PRDM15: variants seen among roughly 807,000 people sequenced by gnomAD.
The protein encoded by PRDM15 is PR/SET domain 15.
In PRDM15, 64 loss-of-function variants were observed where a neutral mutation model predicts 128.6. The observed-to-expected ratio is 0.50, with a 90% CI of 0.41 to 0.61. The LOEUF is 0.61. PRDM15 is among the 20% of genes least tolerant of loss of function. PRDM15 has a pLI of 0.00. For missense variants in PRDM15, 1,242 were observed against 1,569.1 expected (o/e 0.79, Z 3.52); for synonymous variants, 615 against 621.8 (o/e 0.99, Z 0.16).
At position 41,859,949 on chromosome 21, in the gene PRDM15, CT is replaced by C. The variant is rs1172851963; in HGVS notation, c.38-265del. 6.6e-6 allele frequency among the ~76,000 whole-genome samples: 1 copy of C among 152,130 alleles called. No individual in the cohort carries two copies. The highest frequency in any genetic ancestry group is 1.5e-5 in the Non-Finnish European group (1 of 68,012). ...GGAAAGCTCTAGCTCCGCCGCACGC[CT>C]CAAATCAAGCACGGTCACCTCCATG... is the stretch of plus-strand genomic sequence containing the variant. On this transcript the variant is annotated intron_variant, in intron 2 of 23. Coordinates refer to ENST00000398548, the MANE Select transcript of PRDM15 (RefSeq NM_001040424.3). The surrounding 1 kb of genome is among the most constrained non-coding windows in gnomAD (Gnocchi z 5.3).
rs756042245 is a variant in PRDM15 at position 41,799,576 on chromosome 21, G to C, written c.*1664C>G. 5 of 152,220 alleles carry C rather than the reference G, an allele frequency of 3.3e-5. No homozygotes were observed. The highest frequency in any genetic ancestry group is 7.3e-5 in the Non-Finnish European group (5 of 68,044). The allele number at this position is 152,220 out of a possible 1,614,324, so 9.4% of individuals were successfully genotyped here. On this transcript the variant is annotated 3_prime_UTR_variant, in exon 24 of 24. Transcript: ENST00000398548. Reference sequence around the variant, plus strand: ...GCTGCCTGGGGATGAACATTCCTTAGTTCATGAAGGCATATATTGCACAAA... The same window carrying C: ...GCTGCCTGGGGATGAACATTCCTTACTTCATGAAGGCATATATTGCACAAA...
intron 5 of PRDM15, among the ~76,000 whole-genome samples, chr21:41,849,534 C>T (rs575989916): frequency 2.0e-5 from 3 of 151,182 alleles, no homozygotes; most frequent in African/African-American, 7.3e-5. Flanking sequence ...CACCACTGCA[C>T]TCCAGCCTGG....
At chr21:41,823,077 A>AT in intron 14 of PRDM15, 1 of 524,014 alleles carries the variant, frequency 1.9e-6, no homozygotes, top group Middle Eastern at 3.6e-4. Flanking sequence ...TATAGAAGAG[A>AT]TCCCTACCCT....
At chr21:41,813,791 G>C (rs1383878669) in intron 19 of PRDM15, 1 of 137,774 alleles carries the variant, frequency 7.3e-6, no homozygotes, top group African/African-American at 2.7e-5. Context: ...TAAGATCTTG[G>C]CCTTGTGTTA....
intron 4 of PRDM15, 121 bp downstream of exon 4, chr21:41,857,055 T>G: frequency 1.2e-6 from 1 of 836,548 alleles, no homozygotes; most frequent in Non-Finnish European, 1.9e-6. Flanking sequence ...CTACAATATT[T>G]GGAGCTGTTT....
Position 41,821,219 on chromosome 21 carries a change from G to T in PRDM15, c.1908C>A (p.Gly636=), listed in dbSNP as rs138275568. The T allele has an allele frequency of 7.4e-5, 119 of 1,614,096 alleles. 1 individual carries two copies. In the African/African-American group the frequency reaches 1.3e-3, roughly 18 times the overall value. ...YSCKRCQLTF[G]RGKEYLKHIM... is the part of the protein sequence containing the mutation. ...TGTGCTTCAGGTACTCCTTCCCCCGGCCGAAGGTGAGCTGCGGGCCAGGTG... is the reference window on the plus strand; with the variant it reads ...TGTGCTTCAGGTACTCCTTCCCCCGTCCGAAGGTGAGCTGCGGGCCAGGTG... The change falls in exon 16 of 24, where the codon GGC becomes GGA. Residue 636 remains glycine (G), a synonymous_variant. Transcript: ENST00000398548. The surrounding 1 kb of genome is among the most constrained non-coding windows in gnomAD (Gnocchi z 5.4).
chr21:41,828,962 C>G lies in PRDM15; in HGVS notation c.1367-629G>C, dbSNP rs1159785482. 2.2e-5 allele frequency among the ~76,000 whole-genome samples: 3 copies of G among 139,226 alleles called. No homozygotes were observed. The highest frequency in any genetic ancestry group is 8.9e-5 in the African/African-American group (3 of 33,566). The allele number at this position is 139,226 out of a possible 152,430, so 91.3% of individuals were successfully genotyped here. On this transcript the variant is annotated intron_variant, in intron 11 of 23. Transcript: ENST00000398548. This position sits in a 1 kb window ranked among gnomAD's most constrained non-coding sequence, Gnocchi z 5.7. ...CACAAATACACAATCACACACACCA[C>G]ATACACACACCACGCACACATGCCC... is the stretch of plus-strand genomic sequence containing the variant.
chr21:41,810,123 G>A lies in PRDM15; in HGVS notation c.2652+31C>T, dbSNP rs770876322. 81 of 1,585,870 alleles carry A rather than the reference G, an allele frequency of 5.1e-5. 1 individual carries two copies. The South Asian group carries it at 7.4e-4, about 15-fold the overall frequency. On this transcript the variant is annotated intron_variant, in intron 21 of 23. Coordinates refer to ENST00000398548, the MANE Select transcript of PRDM15 (RefSeq NM_001040424.3). The surrounding 1 kb of genome is among the most constrained non-coding windows in gnomAD (Gnocchi z 6.4). ...GTGTCCGGTGCGCGGCCCGCTGGCG[G>A]GGCACGGAGGGGGCACAGCCACCAG...
At chr21:41,818,813 T>C (rs992631538) in intron 18 of PRDM15, among the ~76,000 whole-genome samples, 3 of 152,154 alleles carry the variant, frequency 2.0e-5, no homozygotes, top group African/African-American at 7.2e-5. Context: ...GTTAAAATTA[T>C]GATGTGTACT....
At chr21:41,836,946 C>T (rs2062916687) in intron 8 of PRDM15, 2 of 230,604 alleles carry the variant, frequency 8.7e-6, no homozygotes, top group South Asian at 1.2e-4. Context: ...AATAACCACA[C>T]CTGTTTTCTG....
chr21:41,844,804 T>C (rs188390156), intron 6 of PRDM15, among the ~76,000 whole-genome samples: 3 of 126 alleles, frequency 0.024, no homozygotes, highest in Non-Finnish European at 0.039. Context: ...ACACACACAG[T>C]CCCTCCCCCC....
At chr21:41,857,751 C>CTGTCTCAAAGAAAAGTCTTTTCTTTT (rs2063682041) in intron 3 of PRDM15, among the ~76,000 whole-genome samples, 1 of 152,120 alleles carries the variant, frequency 6.6e-6, no homozygotes, top group Admixed American at 6.5e-5. Context: ...CAGCACAGGA[C>CTGTCTCAAAGAAAAGTCTTTTCTTTT]CCTGTCTCAA....
intron 1 of PRDM15, among the ~76,000 whole-genome samples, chr21:41,874,525 A>ATTTTTTTT (rs61045274): frequency 0.015 from 1,405 of 95,688 alleles, 18 homozygotes; most frequent in African/African-American, 0.025. Context: ...ATATATATAT[A>ATTTTTTTT]TTTTTTTTTT....
intron 21 of PRDM15, among the ~76,000 whole-genome samples, chr21:41,807,869 T>C (rs1398912570): frequency 6.6e-6 from 1 of 152,180 alleles, no homozygotes; most frequent in Non-Finnish European, 1.5e-5. Flanking sequence ...CTTGAGTCAC[T>C]TGGTTCTGTC....
chr21:41,806,596 TTACTACCACCAC>T (rs2061669198), intron 21 of PRDM15, among the ~76,000 whole-genome samples: 8 of 2,792 alleles, frequency 2.9e-3, no homozygotes, highest in Non-Finnish European at 5.3e-3. Flanking sequence ...ACCACCACCA[TTACTACCACCAC>T]CATCATCACC....
At chr21:41,803,478 G>A (rs1046633536) in intron 22 of PRDM15, among the ~76,000 whole-genome samples, 2 of 152,206 alleles carry the variant, frequency 1.3e-5, no homozygotes, top group Admixed American at 6.5e-5. Flanking sequence ...CCTCTGAACC[G>A]GGCCGGCTCA....
chr21:41,840,884 TA>T (rs2063055686), intron 6 of PRDM15, among the ~76,000 whole-genome samples: 1 of 150,558 alleles, frequency 6.6e-6, no homozygotes, highest in South Asian at 2.1e-4. Flanking sequence ...AGGCCCAAAA[TA>T]AAAACACAAT....
chr21:41,827,877 C>G (rs903857989), intron 12 of PRDM15, among the ~76,000 whole-genome samples: 2 of 152,126 alleles, frequency 1.3e-5, no homozygotes, highest in African/African-American at 4.8e-5. Flanking sequence ...CACTGGACCC[C>G]ACAAATCGTC....
In PRDM15 at chr21:41,821,032, C is replaced by T. The variant is rs765300987; in HGVS notation, c.2060+35G>A. On this transcript the variant is annotated intron_variant, in intron 16 of 23. Coordinates refer to ENST00000398548, the MANE Select transcript of PRDM15 (RefSeq NM_001040424.3). The surrounding 1 kb of genome is among the most constrained non-coding windows in gnomAD (Gnocchi z 5.4). The stretch of plus-strand genomic sequence containing the variant: ...TGCAAGGAAGCATGTCCCCTCTCTC[C>T]TGACACAACCCGGGAGCCCCCGACC... 49 of 1,613,736 alleles carry T rather than the reference C, an allele frequency of 3.0e-5. 1 individual carries two copies. In the South Asian group the frequency reaches 5.2e-4, roughly 17 times the overall value.
Sources: gnomAD v4.1 joint callset for allele counts (sites outside exome capture counted in the v4.1 genomes callset) on GRCh38, gnomAD v4.1.1 for gene constraint, Gnocchi (gnomAD v3.1) non-coding constraint, MANE v1.5 for transcripts, NCBI Gene and HGNC (gene_info 2026-07-23, HGNC 2026-07-21) for gene names.